SLC39A12: variants seen among roughly 807,000 people sequenced by gnomAD.
SLC39A12 encodes zinc transporter ZIP12.
A neutral mutation model predicts 71.1 loss-of-function variants in SLC39A12; 63 were observed. The observed-to-expected ratio is 0.89, with a 90% CI of 0.72 to 1.09. SLC39A12 has a LOEUF of 1.09. Ranked by LOEUF, SLC39A12 falls within the 50% of genes least tolerant of loss-of-function variation. The probability of loss-of-function intolerance (pLI) is 0.00; values close to 1 mark genes in which losing one functional copy is unlikely to be tolerated. For missense variants in SLC39A12, 892 were observed against 812.6 expected (o/e 1.10, Z -1.19); for synonymous variants, 351 against 301.3 (o/e 1.16, Z -1.71).
At chr10:17,981,914 T>C (rs1186687372) in intron 6 of SLC39A12, among the ~76,000 whole-genome samples, 3 of 152,188 alleles carry the variant, frequency 2.0e-5, no homozygotes, top group African/African-American at 7.2e-5. Context: ...GAGAAGGCAA[T>C]AGCATTGGAA....
chr10:18,038,322 A>C (rs1837121541), intron 12 of SLC39A12, among the ~76,000 whole-genome samples: 1 of 152,176 alleles, frequency 6.6e-6, no homozygotes, highest in African/African-American at 2.4e-5. Flanking sequence ...AGCAAGCAGC[A>C]GGTTTATAAA....
At chr10:17,969,634 A>G (rs1045745455) in intron 4 of SLC39A12, among the ~76,000 whole-genome samples, 1 of 152,004 alleles carries the variant, frequency 6.6e-6, no homozygotes, top group Non-Finnish European at 1.5e-5. Flanking sequence ...TTTTGGATCA[A>G]ATTATTAGAT....
At chr10:17,975,215 C>T (rs1270783699) in intron 4 of SLC39A12, among the ~76,000 whole-genome samples, 1 of 151,838 alleles carries the variant, frequency 6.6e-6, no homozygotes, top group Non-Finnish European at 1.5e-5. Flanking sequence ...GGGCCAAGTC[C>T]TGGAATCTCA....
rs2130803967 is a variant in SLC39A12 at position 17,977,926 on chromosome 10, T to C, written c.776T>C (p.Leu259Pro). The change falls in exon 5 of 13, where the codon CTC becomes CCC. Residue 259 changes from leucine to proline, a missense_variant. By Grantham distance (98) the Leu-to-Pro change is moderately conservative. Coordinates refer to ENST00000377369, the MANE Select transcript of SLC39A12 (RefSeq NM_001145195.2). The stretch of plus-strand genomic sequence containing the variant: ...GAACTAGACCAACTCCTCAACACTC[T>C]CTGGACCAGAAGTACTTGTATCAAA... ...LSELDQLLNT[L>P]WTRSTCIKNE... The C allele has an allele frequency of 6.2e-7, 1 of 1,607,216 alleles. No individual in the cohort carries two copies. Among genetic ancestry groups the C allele is most frequent in the Middle Eastern group, 1.7e-4 (1 of 6,014 alleles).
intron 3 of SLC39A12, among the ~76,000 whole-genome samples, chr10:17,962,250 G>A (rs782509363): frequency 1.3e-5 from 2 of 152,182 alleles, no homozygotes; most frequent in Admixed American, 6.5e-5. Flanking sequence ...AAAGGAGAAG[G>A]CAGAGACATT....
At chr10:17,994,419 A>G (rs777223709) in intron 9 of SLC39A12, among the ~76,000 whole-genome samples, 1 of 100,100 alleles carries the variant, frequency 1.0e-5, no homozygotes, top group Non-Finnish European at 2.3e-5. Flanking sequence ...CTCGAGGATA[A>G]AGAAGAATGT....
chr10:18,035,883 G>T (rs1484785069), intron 12 of SLC39A12, among the ~76,000 whole-genome samples: 1 of 152,172 alleles, frequency 6.6e-6, no homozygotes, highest in African/African-American at 2.4e-5. Context: ...ACCCTCAGCT[G>T]CAGGTCTGTT....
At chr10:18,020,367 A>G (rs1008984162) in intron 12 of SLC39A12, among the ~76,000 whole-genome samples, 1 of 151,964 alleles carries the variant, frequency 6.6e-6, no homozygotes, top group Non-Finnish European at 1.5e-5. Context: ...CCACTCCACC[A>G]TTGTCAGGCA....
intron 4 of SLC39A12, among the ~76,000 whole-genome samples, chr10:17,970,818 G>C (rs1834951343): frequency 6.6e-6 from 1 of 151,710 alleles, no homozygotes; most frequent in South Asian, 2.1e-4. Flanking sequence ...GATTGCTGTA[G>C]CTAGGATGTC....
At chr10:17,961,919 ATTGT>A in intron 3 of SLC39A12, 57 bp downstream of exon 3, 1 of 1,498,646 alleles carries the variant, frequency 6.7e-7, no homozygotes, top group Non-Finnish European at 9.0e-7. Flanking sequence ...CTAGAGCCTT[ATTGT>A]TTGTTCCTTA....
chr10:17,974,768 C>T (rs1242688501), intron 4 of SLC39A12, among the ~76,000 whole-genome samples: 2 of 152,166 alleles, frequency 1.3e-5, no homozygotes, highest in African/African-American at 4.8e-5. Context: ...TAACCACTCC[C>T]CGGCTATGTT....
At chr10:18,011,065 C>T (rs549982205) in intron 12 of SLC39A12, among the ~76,000 whole-genome samples, 1 of 152,054 alleles carries the variant, frequency 6.6e-6, no homozygotes, top group Non-Finnish European at 1.5e-5. Context: ...GGCGCCCCCT[C>T]CAGGTATTTC....
intron 12 of SLC39A12, among the ~76,000 whole-genome samples, chr10:18,021,623 A>G (rs1263957546): frequency 1.3e-5 from 2 of 152,076 alleles, no homozygotes; most frequent in Non-Finnish European, 2.9e-5. Flanking sequence ...GTTTATGTTC[A>G]AGGTTAATAT....
At chr10:17,994,753 C>G (rs1196093734) in intron 9 of SLC39A12, among the ~76,000 whole-genome samples, 2 of 152,120 alleles carry the variant, frequency 1.3e-5, no homozygotes, top group Non-Finnish European at 2.9e-5. Flanking sequence ...TTTTGAATAG[C>G]TGCTATTATT....
At chr10:17,973,017 T>C (rs1835013992) in intron 4 of SLC39A12, among the ~76,000 whole-genome samples, 1 of 152,148 alleles carries the variant, frequency 6.6e-6, no homozygotes, top group African/African-American at 2.4e-5. Context: ...TGTTTTGAGG[T>C]TATCATGAGA....
At chr10:17,967,954 TTTG>T (rs1834876141) in intron 4 of SLC39A12, among the ~76,000 whole-genome samples, 1 of 150,058 alleles carries the variant, frequency 6.7e-6, no homozygotes, top group Non-Finnish European at 1.5e-5. Context: ...ATTGTAGGCA[TTTG>T]TTGTTATGTT....
At chr10:17,981,251 G>A (rs977029859) in intron 5 of SLC39A12, 61 bp from the exon 6 acceptor site, 6 of 1,438,690 alleles carry the variant, frequency 4.2e-6, no homozygotes, top group Non-Finnish European at 5.7e-6. Flanking sequence ...GATGACAACT[G>A]GTGGAGAATC....
chr10:17,996,587 TTAAG>T (rs1393899439), intron 10 of SLC39A12, among the ~76,000 whole-genome samples: 1 of 152,208 alleles, frequency 6.6e-6, no homozygotes, highest in Admixed American at 6.5e-5. Flanking sequence ...ATTCTACAAC[TTAAG>T]TAAGAATAAA....
chr10:18,014,218 T>G (rs577496132), intron 12 of SLC39A12, among the ~76,000 whole-genome samples: 1 of 152,192 alleles, frequency 6.6e-6, no homozygotes, highest in Admixed American at 6.5e-5. Flanking sequence ...TTTGATGATA[T>G]TGTAAATACA....
Sources: gnomAD v4.1 joint callset for allele counts (sites outside exome capture counted in the v4.1 genomes callset) on GRCh38, gnomAD v4.1.1 for gene constraint, MANE v1.5 for transcripts, NCBI Gene and HGNC (gene_info 2026-07-23, HGNC 2026-07-21) for gene names.